The following MCTP1 variants were observed in gnomAD, a reference collection of about 807,000 sequenced individuals.
MCTP1 encodes multiple C2 and transmembrane domain-containing protein 1.
Under a neutral mutation model 120.6 loss-of-function variants are expected in MCTP1, and 69 were observed. The ratio of observed to expected loss-of-function variants is 0.57; its 90% CI spans 0.47 to 0.70. The LOEUF is 0.70. Among genes scored for constraint, MCTP1 ranks in the 30% least tolerant of loss-of-function variants. The pLI, the probability that MCTP1 is intolerant of heterozygous loss-of-function variation, is 0.00. For synonymous variants in MCTP1, 529 were observed against 493.1 expected (o/e 1.07, Z -0.96); for missense variants, 1,203 against 1,248.8 (o/e 0.96, Z 0.55).
chr5:94,866,530 C>T (rs2153274981), intron 17 of MCTP1, among the ~76,000 whole-genome samples: 1 of 142,624 alleles, frequency 7.0e-6, no homozygotes, highest in South Asian at 2.2e-4. Context: ...CCCACCTTTA[C>T]TATGCCTGAT....
intron 19 of MCTP1, among the ~76,000 whole-genome samples, chr5:94,761,798 A>C (rs1475065878): frequency 6.6e-6 from 1 of 152,222 alleles, no homozygotes; most frequent in Non-Finnish European, 1.5e-5. Flanking sequence ...GCTGGCCTAA[A>C]GTCTTGCTTG....
chr5:95,040,436 C>G (rs1269254623), intron 1 of MCTP1, among the ~76,000 whole-genome samples: 8 of 148,242 alleles, frequency 5.4e-5, no homozygotes, highest in Non-Finnish European at 1.0e-4. Flanking sequence ...ATGTATGACT[C>G]TGTCTCAAAA....
chr5:95,155,216 A>G, intron 1 of MCTP1, among the ~76,000 whole-genome samples: 1 of 152,214 alleles, frequency 6.6e-6, no homozygotes, highest in Non-Finnish European at 1.5e-5. Context: ...GACTAAAAAT[A>G]TAAAGACACA....
At chr5:95,053,835 C>T (rs1017553894) in intron 1 of MCTP1, among the ~76,000 whole-genome samples, 2 of 152,044 alleles carry the variant, frequency 1.3e-5, no homozygotes, top group Admixed American at 6.6e-5. Context: ...AAAGCAGAAC[C>T]TTGAAGGGAA....
chr5:95,194,159 T>C (rs1488584711), intron 1 of MCTP1, among the ~76,000 whole-genome samples: 3 of 151,718 alleles, frequency 2.0e-5, no homozygotes, highest in Non-Finnish European at 2.9e-5. Flanking sequence ...GAGCCTGCAG[T>C]GAGCTATGAT....
At chr5:94,966,062 C>A (rs1388118098) in intron 2 of MCTP1, among the ~76,000 whole-genome samples, 1 of 152,114 alleles carries the variant, frequency 6.6e-6, no homozygotes, top group South Asian at 2.1e-4. Context: ...ACAGATTAAA[C>A]AATCCTCAAA....
At chr5:94,820,789 A>G (rs1316726322) in intron 17 of MCTP1, among the ~76,000 whole-genome samples, 1 of 152,204 alleles carries the variant, frequency 6.6e-6, no homozygotes, top group Non-Finnish European at 1.5e-5. Context: ...CCTGAAGGAC[A>G]TACATTCCTT....
chr5:94,787,376 G>A (rs1164508487), intron 18 of MCTP1, among the ~76,000 whole-genome samples: 2 of 151,992 alleles, frequency 1.3e-5, no homozygotes, highest in Non-Finnish European at 2.9e-5. Context: ...TGGGACTTCC[G>A]TATACATTGC....
At chr5:94,816,247 A>T (rs1165329009) in intron 17 of MCTP1, among the ~76,000 whole-genome samples, 1 of 152,218 alleles carries the variant, frequency 6.6e-6, no homozygotes, top group Non-Finnish European at 1.5e-5. Flanking sequence ...ATGTGTGTAT[A>T]TAAATTTATA....
chr5:94,885,345 A>G (rs1561802948), intron 12 of MCTP1, among the ~76,000 whole-genome samples: 1 of 151,160 alleles, frequency 6.6e-6, no homozygotes, highest in Non-Finnish European at 1.5e-5. Context: ...AACCCAGGGG[A>G]AAATGAAATG....
intron 1 of MCTP1, among the ~76,000 whole-genome samples, chr5:95,140,864 A>G (rs945628771): frequency 1.1e-4 from 14 of 127,954 alleles, no homozygotes; most frequent in Admixed American, 1.1e-3. Flanking sequence ...TGGGCGACAG[A>G]GCGAGACTCC....
chr5:95,242,035 G>A (rs1306309930), intron 1 of MCTP1, among the ~76,000 whole-genome samples: 1 of 152,112 alleles, frequency 6.6e-6, no homozygotes, highest in Non-Finnish European at 1.5e-5. Context: ...CAAAGGCTTA[G>A]TGAGAAAAAA....
intron 1 of MCTP1, among the ~76,000 whole-genome samples, chr5:95,195,994 C>T (rs1750347584): frequency 6.6e-6 from 1 of 151,798 alleles, no homozygotes. Flanking sequence ...ATATGTGGTC[C>T]CCCGCCTTTC....
chr5:94,727,328 T>C (rs1762322541), intron 19 of MCTP1, among the ~76,000 whole-genome samples: 1 of 152,194 alleles, frequency 6.6e-6, no homozygotes, highest in African/African-American at 2.4e-5. Context: ...CTGCACTTAT[T>C]ATTTTTTTTC....
At chr5:94,986,726 G>A (rs1478812202) in intron 2 of MCTP1, among the ~76,000 whole-genome samples, 1 of 152,118 alleles carries the variant, frequency 6.6e-6, no homozygotes, top group Non-Finnish European at 1.5e-5. Context: ...GGCCAGGCTG[G>A]TCTTGAACTC....
At chr5:95,255,473 A>G (rs866391744) in intron 1 of MCTP1, among the ~76,000 whole-genome samples, 2 of 152,168 alleles carry the variant, frequency 1.3e-5, no homozygotes, top group African/African-American at 4.8e-5. Flanking sequence ...CCAAACAAAA[A>G]GCTTTCTACT....
At chr5:94,955,886 C>A (rs1202691158) in intron 2 of MCTP1, among the ~76,000 whole-genome samples, 2 of 152,220 alleles carry the variant, frequency 1.3e-5, no homozygotes, top group Non-Finnish European at 2.9e-5. Context: ...AAGAGAGCAG[C>A]AGATCTCCCA....
At chr5:95,060,983 A>G (rs1748857141) in intron 1 of MCTP1, among the ~76,000 whole-genome samples, 1 of 148,604 alleles carries the variant, frequency 6.7e-6, no homozygotes, top group Non-Finnish European at 1.5e-5. Flanking sequence ...AATAATGAAG[A>G]ATCTGTCCTC....
At chr5:95,143,825 T>C (rs1760141377) in intron 1 of MCTP1, among the ~76,000 whole-genome samples, 1 of 152,212 alleles carries the variant, frequency 6.6e-6, no homozygotes, top group African/African-American at 2.4e-5. Flanking sequence ...CCTAAGTTGA[T>C]TCCATGTCTT....
Sources: gnomAD v4.1 joint callset for allele counts (sites outside exome capture counted in the v4.1 genomes callset) on GRCh38, gnomAD v4.1.1 for gene constraint, MANE v1.5 for transcripts, NCBI Gene and HGNC (gene_info 2026-07-23, HGNC 2026-07-21) for gene names.